Variants in NUP98 observed in about 807,000 individuals in gnomAD.
The protein encoded by NUP98 is nucleoporin 98 and 96 precursor, also known as nuclear pore complex protein Nup98-Nup96.
NUP98 carries 26 observed loss-of-function variants against 191.9 expected under a neutral mutation model. The ratio of observed to expected loss-of-function variants is 0.14; its 90% CI spans 0.10 to 0.19. NUP98 has a LOEUF of 0.19. Ranked by LOEUF, NUP98 falls within the 10% of genes least tolerant of loss-of-function variation. NUP98 has a pLI of 1.00. For synonymous variants in NUP98, 808 were observed against 778.4 expected (o/e 1.04, Z -0.63); for missense variants, 1,941 against 2,178.8 (o/e 0.89, Z 2.17).
At chr11:3,689,528 C>CAA (rs1052112626) in intron 28 of NUP98, among the ~76,000 whole-genome samples, 1 of 146,690 alleles carries the variant, frequency 6.8e-6, no homozygotes, top group African/African-American at 2.5e-5. Flanking sequence ...GAGTCTGTCT[C>CAA]AAAAAAAAAA....
At chr11:3,717,030 G>C (rs890011123) in intron 18 of NUP98, among the ~76,000 whole-genome samples, 2 of 152,062 alleles carry the variant, frequency 1.3e-5, no homozygotes, top group African/African-American at 4.8e-5. Flanking sequence ...TTGACACGTG[G>C]TCTCGCTTTG....
chr11:3,734,860 C>T (rs941682969), intron 13 of NUP98, among the ~76,000 whole-genome samples: 5 of 151,460 alleles, frequency 3.3e-5, no homozygotes, highest in African/African-American at 1.2e-4. Flanking sequence ...TCCAGGAGTT[C>T]GATACTAGCA....
intron 31 of NUP98, among the ~76,000 whole-genome samples, chr11:3,678,722 T>G (rs1006773763): frequency 6.6e-6 from 1 of 152,064 alleles, no homozygotes; most frequent in Non-Finnish European, 1.5e-5. Flanking sequence ...GCAGGAAAGG[T>G]AAAAGCCTCT....
At chr11:3,730,770 C>G (rs2079814721) in intron 14 of NUP98, among the ~76,000 whole-genome samples, 1 of 152,142 alleles carries the variant, frequency 6.6e-6, no homozygotes, top group African/African-American at 2.4e-5. Context: ...CCACTGCATT[C>G]CAGCCTGGGT....
rs530182103 is a variant in NUP98 at position 3,692,176 on chromosome 11, T to A, written c.4312-687A>T. Among the ~76,000 whole-genome samples, 37 of 152,050 alleles carry A rather than the reference T, an allele frequency of 2.4e-4. No individual in the cohort carries two copies. In the East Asian group the frequency reaches 3.1e-3, roughly 13 times the overall value. On this transcript the variant is annotated intron_variant, in intron 27 of 32. Transcript: ENST00000324932. ...AGATAAGAAAAAAAAATTTTTTTTT[T>A]AAATTAGCCAGGCATGGTGGTATGC...
At chr11:3,730,096 A>C (rs1292519599) in intron 14 of NUP98, among the ~76,000 whole-genome samples, 1 of 151,810 alleles carries the variant, frequency 6.6e-6, no homozygotes, top group African/African-American at 2.4e-5. Context: ...TTAGCCAGGC[A>C]TGGTGGCACG....
chr11:3,688,490 T>C (rs996283200), intron 28 of NUP98, among the ~76,000 whole-genome samples: 3 of 151,184 alleles, frequency 2.0e-5, no homozygotes, highest in Non-Finnish European at 4.4e-5. Context: ...CTACATTCTA[T>C]ATAATTAATA....
chr11:3,712,770 G>A (rs1013362151), intron 19 of NUP98, 42 bp from the exon 20 acceptor site: 2 of 1,588,264 alleles, frequency 1.3e-6, no homozygotes, highest in Non-Finnish European at 1.7e-6. Context: ...TAAACATTAT[G>A]CTTTCCCAAT....
chr11:3,742,934 A>G (rs1169107708), intron 12 of NUP98, among the ~76,000 whole-genome samples: 1 of 152,146 alleles, frequency 6.6e-6, no homozygotes, highest in African/African-American at 2.4e-5. Context: ...CTGACTATTC[A>G]TTCTATTTAT....
At chr11:3,793,178 C>T (rs930880554) in intron 1 of NUP98, among the ~76,000 whole-genome samples, 6 of 152,138 alleles carry the variant, frequency 3.9e-5, no homozygotes, top group Admixed American at 3.3e-4. Context: ...CTGAAAAGGC[C>T]ATTAAAATAC....
At chr11:3,788,579 G>T (rs530422041) in intron 1 of NUP98, among the ~76,000 whole-genome samples, 2 of 152,136 alleles carry the variant, frequency 1.3e-5, no homozygotes, top group African/African-American at 4.8e-5. Context: ...TGACAAGAGT[G>T]AAATTCTGTC....
At chr11:3,721,252 C>T (rs1427516949) in intron 16 of NUP98, among the ~76,000 whole-genome samples, 1 of 152,160 alleles carries the variant, frequency 6.6e-6, no homozygotes, top group Non-Finnish European at 1.5e-5. Context: ...CCAAAACCTA[C>T]AGTGGAAATA....
At chr11:3,690,872 T>C (rs979921084) in intron 28 of NUP98, among the ~76,000 whole-genome samples, 2 of 151,884 alleles carry the variant, frequency 1.3e-5, no homozygotes, top group Admixed American at 1.3e-4. Flanking sequence ...TTTTGATACA[T>C]ATAAACATGA....
At chr11:3,688,820 C>CATATACATATACATATATATAT (rs1388681065) in intron 28 of NUP98, among the ~76,000 whole-genome samples, 5 of 136,278 alleles carry the variant, frequency 3.7e-5, no homozygotes, top group African/African-American at 1.4e-4. Flanking sequence ...TTTAAATATA[C>CATATACATATACATATATATAT]ATATATATAT....
chr11:3,786,311 G>C (rs1169802339), intron 1 of NUP98, among the ~76,000 whole-genome samples: 2 of 152,140 alleles, frequency 1.3e-5, no homozygotes, highest in African/African-American at 2.4e-5. Context: ...ACACTTCTCT[G>C]GCAAATATGG....
intron 11 of NUP98, among the ~76,000 whole-genome samples, chr11:3,752,882 CAATGG>C (rs2080817184): frequency 6.6e-6 from 1 of 152,182 alleles, no homozygotes; most frequent in Admixed American, 6.5e-5. Flanking sequence ...GTCTATATGA[CAATGG>C]AACTAAATGA....
At chr11:3,752,549 A>AT (rs56185702) in intron 11 of NUP98, among the ~76,000 whole-genome samples, 2 of 151,430 alleles carry the variant, frequency 1.3e-5, no homozygotes, top group Admixed American at 6.6e-5. Flanking sequence ...AAATAAATAA[A>AT]AAAGAAGGAA....
intron 10 of NUP98, among the ~76,000 whole-genome samples, chr11:3,758,621 CT>C (rs2081059190): frequency 6.6e-6 from 1 of 152,090 alleles, no homozygotes; most frequent in African/African-American, 2.4e-5. Flanking sequence ...CCCATCTCTA[CT>C]TTAAATACAA....
chr11:3,735,346 A>T, intron 12 of NUP98, 22 bp from the exon 13 acceptor site: 2 of 1,308,186 alleles, frequency 1.5e-6, no homozygotes, highest in Non-Finnish European at 2.0e-6. Context: ...AAAAAAAGAA[A>T]ACAAAATATA....
Sources: allele counts gnomAD v4.1 joint callset (sites outside exome capture counted in the v4.1 genomes callset), GRCh38; gene constraint gnomAD v4.1.1; transcripts MANE v1.5; gene names NCBI Gene and HGNC (gene_info 2026-07-23, HGNC 2026-07-21).